SPATA17: variants seen among roughly 807,000 people sequenced by gnomAD.
SPATA17 encodes spermatogenesis associated 17.
Under a neutral mutation model 62.2 loss-of-function variants are expected in SPATA17, and 53 were observed. The observed-to-expected ratio is 0.85, with a 90% CI of 0.68 to 1.07. SPATA17 has a LOEUF of 1.07. SPATA17 is among the 50% of genes least tolerant of loss of function. The pLI, the probability that SPATA17 is intolerant of heterozygous loss-of-function variation, is 0.00. For synonymous variants in SPATA17, 146 were observed against 146.8 expected (o/e 0.99, Z 0.04); for missense variants, 466 against 425.5 (o/e 1.10, Z -0.84).
Position 217,784,655 on chromosome 1 carries a change from T to A in SPATA17, c.872+2333T>A, listed in dbSNP as rs1036256790. On this transcript the variant is annotated intron_variant, in intron 8 of 10. Coordinates refer to ENST00000366933, the MANE Select transcript of SPATA17 (RefSeq NM_138796.4). Reference sequence around the variant, plus strand: ...TGAGTATAAAGTGTCAGGAACATAGTAGGGTCTTAATAAAAGAGAATTATT... The same window carrying A: ...TGAGTATAAAGTGTCAGGAACATAGAAGGGTCTTAATAAAAGAGAATTATT... Among the ~76,000 whole-genome samples the A allele has an allele frequency of 2.6e-5, 4 of 152,298 alleles. 1 individual carries two copies.
In SPATA17 at chr1:217,718,841, C is replaced by CCAAA. The variant is rs370605124; in HGVS notation, c.396-23113_396-23110dup. On this transcript the variant is annotated intron_variant, in intron 5 of 10. Coordinates refer to ENST00000366933, the MANE Select transcript of SPATA17 (RefSeq NM_138796.4). ...TTTGGATGAATGCAAGTACTGGCTGCCAAACAAACAAACAAACAAACAAAA... is the reference window on the plus strand; with the variant it reads ...TTTGGATGAATGCAAGTACTGGCTGCCAAACAAACAAACAAACAAACAAACAAAA... Among the ~76,000 whole-genome samples, 481 of 152,026 alleles carry CCAAA rather than the reference C, an allele frequency of 3.2e-3. 2 individuals carry two copies. The highest frequency in any genetic ancestry group is 0.01 in the African/African-American group (418 of 41,480).
chr1:217,754,665 G>T (rs539556328), intron 6 of SPATA17, among the ~76,000 whole-genome samples: 1 of 152,202 alleles, frequency 6.6e-6, no homozygotes, highest in East Asian at 1.9e-4. Flanking sequence ...AGATATCCCA[G>T]TGTCTCTGAT....
intron 5 of SPATA17, among the ~76,000 whole-genome samples, chr1:217,697,319 G>T (rs1367567153): frequency 2.6e-5 from 4 of 152,136 alleles, no homozygotes; most frequent in Non-Finnish European, 5.9e-5. Context: ...GTCCTTGCAA[G>T]ATTTTCATCA....
chr1:217,679,503 C>T (rs1227105987), intron 4 of SPATA17, among the ~76,000 whole-genome samples: 1 of 152,196 alleles, frequency 6.6e-6, no homozygotes, highest in Non-Finnish European at 1.5e-5. Flanking sequence ...ATGCTGTTTC[C>T]TCCAGATCTT....
At chr1:217,645,369 C>A (rs992790476) in intron 1 of SPATA17, among the ~76,000 whole-genome samples, 1 of 152,038 alleles carries the variant, frequency 6.6e-6, no homozygotes, top group African/African-American at 2.4e-5. Flanking sequence ...AGGGTGAGTT[C>A]CTACAAATAC....
At chr1:217,767,989 G>A (rs1673344742) in intron 6 of SPATA17, among the ~76,000 whole-genome samples, 1 of 152,144 alleles carries the variant, frequency 6.6e-6, no homozygotes. Context: ...GCTCATGCTT[G>A]TAATTCCAGC....
chr1:217,810,305 T>G (rs1674555457), intron 9 of SPATA17, among the ~76,000 whole-genome samples: 1 of 152,172 alleles, frequency 6.6e-6, no homozygotes, highest in African/African-American at 2.4e-5. Flanking sequence ...GCATACATAC[T>G]TAAGAAAAAT....
At position 217,797,318 on chromosome 1, in the gene SPATA17, C is replaced by T. The variant is rs187767582; in HGVS notation, c.873-4400C>T. Among the ~76,000 whole-genome samples, 328 of 146,202 alleles carry T rather than the reference C, an allele frequency of 2.2e-3. 1 individual carries two copies. Among genetic ancestry groups the T allele is most frequent in the African/African-American group, 7.8e-3 (310 of 39,494 alleles). On this transcript the variant is annotated intron_variant, in intron 8 of 10. Coordinates refer to ENST00000366933, the MANE Select transcript of SPATA17 (RefSeq NM_138796.4). ...AGGCTGCAGTGCAGTAGTGTGATCT[C>T]GGCTCAGTGCAGCCTCCACCTCCCG...
In SPATA17 at chr1:217,843,303, C is replaced by T. The variant is rs1675451903; in HGVS notation, c.1006-19471C>T. Among the ~76,000 whole-genome samples, 5 of 151,974 alleles carry T rather than the reference C, an allele frequency of 3.3e-5. No homozygotes were observed. The South Asian group carries it at 1.0e-3, about 32-fold the overall frequency. ...ATTATTGATACCAGTATTACTTATTCTTCTTCCTGAAACACTAAAATGAAT... is the reference window on the plus strand; with the variant it reads ...ATTATTGATACCAGTATTACTTATTTTTCTTCCTGAAACACTAAAATGAAT... On this transcript the variant is annotated intron_variant, in intron 9 of 10. Coordinates refer to ENST00000366933, the MANE Select transcript of SPATA17 (RefSeq NM_138796.4).
intron 5 of SPATA17, among the ~76,000 whole-genome samples, chr1:217,689,386 C>T (rs575325593): frequency 3.3e-5 from 5 of 151,844 alleles, no homozygotes; most frequent in South Asian, 2.1e-4. Context: ...CCACCACGCC[C>T]GGCTAATTTT....
intron 1 of SPATA17, among the ~76,000 whole-genome samples, chr1:217,633,464 G>A (rs1219074958): frequency 6.6e-6 from 1 of 150,976 alleles, no homozygotes; most frequent in Non-Finnish European, 1.5e-5. Context: ...ACAATTAATT[G>A]GCCAGGCACA....
chr1:217,762,967 A>C (rs1465553891), intron 6 of SPATA17, among the ~76,000 whole-genome samples: 2 of 152,186 alleles, frequency 1.3e-5, no homozygotes, highest in African/African-American at 2.4e-5. Flanking sequence ...AAAACCAAAA[A>C]CAAACAAACA....
chr1:217,772,211 C>T (rs1673465804), intron 6 of SPATA17, among the ~76,000 whole-genome samples: 1 of 152,070 alleles, frequency 6.6e-6, no homozygotes. Flanking sequence ...AATTACTGTC[C>T]ATGGAAAGCT....
At chr1:217,678,311 C>A (rs1174507240) in intron 4 of SPATA17, among the ~76,000 whole-genome samples, 1 of 149,968 alleles carries the variant, frequency 6.7e-6, no homozygotes, top group African/African-American at 2.5e-5. Flanking sequence ...CAGGTTCAAG[C>A]AACTGTCCTG....
intron 6 of SPATA17, among the ~76,000 whole-genome samples, chr1:217,758,517 T>C (rs1673099252): frequency 6.6e-6 from 1 of 152,140 alleles, no homozygotes; most frequent in Admixed American, 6.6e-5. Flanking sequence ...CAGGCTAAAA[T>C]TACAAAGGTA....
rs1571741859 is a variant in SPATA17, at chr1:217,701,358, T to C, written c.395+17997T>C. ...ATATATGTGTGTGTGTATATATATA[T>C]ACATTTTTATTATTTTTTGTTTTAT... is the stretch of plus-strand genomic sequence containing the variant. On this transcript the variant is annotated intron_variant, in intron 5 of 10. Transcript: ENST00000366933. Among the ~76,000 whole-genome samples, 4 of 151,770 alleles carry C rather than the reference T, an allele frequency of 2.6e-5. No individual in the cohort carries two copies. The East Asian group carries it at 5.8e-4, about 22-fold the overall frequency.
chr1:217,773,226 A>T lies in SPATA17; in HGVS notation c.520-1108A>T, dbSNP rs373209148. Among the ~76,000 whole-genome samples, 7 of 152,280 alleles carry T rather than the reference A, an allele frequency of 4.6e-5. No homozygotes were observed. The East Asian group carries it at 1.4e-3, about 29-fold the overall frequency. Reference sequence around the variant, plus strand: ...TGCTTTGGAACTGCTGATTCCATGAAGTAAATGTAGCAAAAAGGAATGTTT... The same window carrying T: ...TGCTTTGGAACTGCTGATTCCATGATGTAAATGTAGCAAAAAGGAATGTTT... On this transcript the variant is annotated intron_variant, in intron 6 of 10. Coordinates refer to ENST00000366933, the MANE Select transcript of SPATA17 (RefSeq NM_138796.4).
At chr1:217,639,036 A>T (rs1670000093) in intron 1 of SPATA17, among the ~76,000 whole-genome samples, 1 of 152,048 alleles carries the variant, frequency 6.6e-6, no homozygotes, top group Non-Finnish European at 1.5e-5. Flanking sequence ...AGATAGAATA[A>T]TAATAAAGAA....
chr1:217,682,731 A>C (rs1315412075), intron 4 of SPATA17, among the ~76,000 whole-genome samples: 1 of 152,180 alleles, frequency 6.6e-6, no homozygotes, highest in Non-Finnish European at 1.5e-5. Flanking sequence ...TGCCTGGCAC[A>C]TAAGAACTCA....
Sources: allele counts gnomAD v4.1 joint callset (sites outside exome capture counted in the v4.1 genomes callset), GRCh38; gene constraint gnomAD v4.1.1; transcripts MANE v1.5; gene names NCBI Gene and HGNC (gene_info 2026-07-23, HGNC 2026-07-21).